Variants in DTNA observed in about 807,000 individuals in gnomAD.
The protein encoded by DTNA is dystrobrevin alpha.
A neutral mutation model predicts 100.7 loss-of-function variants in DTNA; 43 were observed. The observed-to-expected ratio is 0.43, with a 90% CI of 0.33 to 0.55. DTNA has a LOEUF of 0.55. DTNA is among the 20% of genes least tolerant of loss of function. DTNA has a pLI of 0.04. For synonymous variants in DTNA, 349 were observed against 347.9 expected, an observed-to-expected ratio of 1.00 and a Z score of -0.04; for missense variants, 798 against 953.9, an observed-to-expected ratio of 0.84 and a Z score of 2.15.
chr18:34,619,967 G>T (rs1327127210), intron 1 of DTNA, among the ~76,000 whole-genome samples: 1 of 152,144 alleles, frequency 6.6e-6, no homozygotes, highest in Non-Finnish European at 1.5e-5. Context: ...AGAATAATTA[G>T]CCAAAGAGAT....
Position 34,765,423 on chromosome 18 carries a change from A to C in DTNA, c.68-538A>C, listed in dbSNP as rs890746092. ...TTAAGTGCCTTAGGTATATTCACTC[A>C]TTTATCCTTACAACAGTCCTGTGCA... On this transcript the variant is annotated intron_variant, in intron 2 of 22. Coordinates refer to ENST00000444659, the MANE Select transcript of DTNA (RefSeq NM_001386795.1). Among the ~76,000 whole-genome samples the C allele has an allele frequency of 2.6e-4, 40 of 152,170 alleles. 1 individual carries two copies. Among genetic ancestry groups the C allele is most frequent in the East Asian group, 2.1e-3 (11 of 5,186 alleles).
At chr18:34,743,290 C>T (rs1249249474) in intron 1 of DTNA, among the ~76,000 whole-genome samples, 1 of 152,148 alleles carries the variant, frequency 6.6e-6, no homozygotes, top group African/African-American at 2.4e-5. Flanking sequence ...CATACCCCCG[C>T]CTGTTTCTTT....
chr18:34,752,721 C>T (rs944282384), intron 1 of DTNA, among the ~76,000 whole-genome samples: 1 of 152,044 alleles, frequency 6.6e-6, no homozygotes, highest in African/African-American at 2.4e-5. Context: ...TCTATCTCTT[C>T]CAAGGTACAC....
chr18:34,729,793 C>G (rs1306781770), intron 1 of DTNA, among the ~76,000 whole-genome samples: 4 of 151,992 alleles, frequency 2.6e-5, no homozygotes, highest in African/African-American at 9.7e-5. Flanking sequence ...TAAATGGCAA[C>G]CAGAAATAAT....
intron 3 of DTNA, among the ~76,000 whole-genome samples, chr18:34,774,731 T>A (rs750144555): frequency 7.2e-5 from 11 of 152,356 alleles, no homozygotes; most frequent in Non-Finnish European, 1.5e-4. Context: ...CACTCTCACC[T>A]GTCGAAGAGT....
intron 10 of DTNA, among the ~76,000 whole-genome samples, chr18:34,828,387 C>T (rs558841993): frequency 6.6e-5 from 10 of 152,116 alleles, no homozygotes; most frequent in South Asian, 6.2e-4. Context: ...AGAAGGCTCA[C>T]GGGAAAGCAA....
chr18:34,833,780 A>G (rs940123042), intron 11 of DTNA, among the ~76,000 whole-genome samples: 3 of 152,226 alleles, frequency 2.0e-5, no homozygotes, highest in Non-Finnish European at 2.9e-5. Flanking sequence ...CTCAGATTAG[A>G]AAAGGTGTAT....
intron 3 of DTNA, among the ~76,000 whole-genome samples, chr18:34,784,566 C>A (rs1420482921): frequency 6.6e-5 from 10 of 152,180 alleles, no homozygotes; most frequent in Non-Finnish European, 1.5e-4. Flanking sequence ...GCCCATAAAG[C>A]ATTCCTGTAT....
At chr18:34,503,091 T>A (rs1252786474) in intron 1 of DTNA, among the ~76,000 whole-genome samples, 3 of 152,164 alleles carry the variant, frequency 2.0e-5, no homozygotes, top group Non-Finnish European at 4.4e-5. Context: ...GACTTTATTA[T>A]TAAATAATGC....
At chr18:34,605,088 T>G (rs2052739863) in intron 1 of DTNA, among the ~76,000 whole-genome samples, 1 of 151,818 alleles carries the variant, frequency 6.6e-6, no homozygotes, top group Non-Finnish European at 1.5e-5. Context: ...ATGGGCATTT[T>G]CTTTGTCTCA....
chr18:34,570,224 G>T (rs556237113), intron 1 of DTNA, among the ~76,000 whole-genome samples: 2 of 151,950 alleles, frequency 1.3e-5, no homozygotes, highest in Non-Finnish European at 2.9e-5. Flanking sequence ...GAGTTTTTTC[G>T]TTCACATCTG....
chr18:34,759,635 C>T (rs1440549517), intron 2 of DTNA, among the ~76,000 whole-genome samples: 2 of 152,174 alleles, frequency 1.3e-5, no homozygotes, highest in Non-Finnish European at 1.5e-5. Context: ...GACTTGAAAT[C>T]AAAAGGAGGC....
At chr18:34,650,092 A>G (rs2060271743) in intron 1 of DTNA, among the ~76,000 whole-genome samples, 1 of 152,116 alleles carries the variant, frequency 6.6e-6, no homozygotes. Flanking sequence ...TTTGCACAGG[A>G]GAACTTGAGA....
At chr18:34,730,724 G>A (rs544950594) in intron 1 of DTNA, among the ~76,000 whole-genome samples, 3 of 152,268 alleles carry the variant, frequency 2.0e-5, no homozygotes, top group South Asian at 4.2e-4. Flanking sequence ...TGGAGTTACT[G>A]TCCCCTAACC....
chr18:34,593,287 G>A (rs946947881), intron 1 of DTNA: 2 of 152,246 alleles, frequency 1.3e-5, no homozygotes, highest in Non-Finnish European at 2.9e-5. Context: ...GCATCTGCCA[G>A]TGGGACTTCA....
intron 1 of DTNA, among the ~76,000 whole-genome samples, chr18:34,640,776 G>C (rs1407399656): frequency 2.0e-5 from 3 of 152,182 alleles, no homozygotes; most frequent in Admixed American, 2.0e-4. Flanking sequence ...CCTTGATCTA[G>C]CCTACCCCAG....
chr18:34,693,051 T>C (rs536972736), intron 1 of DTNA, among the ~76,000 whole-genome samples: 1 of 152,286 alleles, frequency 6.6e-6, no homozygotes, highest in South Asian at 2.1e-4. Context: ...TAATAATGTA[T>C]ATTAATAACT....
intron 3 of DTNA, among the ~76,000 whole-genome samples, chr18:34,776,149 A>C (rs2094035447): frequency 1.3e-5 from 2 of 152,166 alleles, no homozygotes; most frequent in South Asian, 4.1e-4. Flanking sequence ...ATTTACCGAA[A>C]ACTTTTCCCT....
chr18:34,855,806 C>A (rs1175563112), intron 15 of DTNA, among the ~76,000 whole-genome samples: 1 of 152,228 alleles, frequency 6.6e-6, no homozygotes, highest in Non-Finnish European at 1.5e-5. Flanking sequence ...TGTTAATTAA[C>A]CTACTCTTCC....
Sources: allele counts gnomAD v4.1 joint callset (sites outside exome capture counted in the v4.1 genomes callset), GRCh38; gene constraint gnomAD v4.1.1; transcripts MANE v1.5; gene names NCBI Gene and HGNC (gene_info 2026-07-23, HGNC 2026-07-21).